STAT3: variants seen among roughly 807,000 people sequenced by gnomAD.
The protein encoded by STAT3 is DNA-binding protein APRF.
In STAT3, 7 loss-of-function variants were observed where a neutral mutation model predicts 114.3. The observed-to-expected ratio is 0.06, with a 90% CI of 0.03 to 0.11. STAT3 has a LOEUF of 0.11. Ranked by LOEUF, STAT3 falls within the 10% of genes least tolerant of loss-of-function variation. STAT3 has a pLI of 1.00. For synonymous variants in STAT3, 331 were observed against 354.5 expected (o/e 0.93, Z 0.74); for missense variants, 364 against 960.9 (o/e 0.38, Z 8.21).
chr17:42,319,124 G>A (rs1346778685), intron 21 of STAT3, among the ~76,000 whole-genome samples: 3 of 152,292 alleles, frequency 2.0e-5, no homozygotes, highest in Admixed American at 2.0e-4. Flanking sequence ...TGTAATCCCA[G>A]CTACTCAGGA....
intron 11 of STAT3, 80 bp from the exon 12 acceptor site, chr17:42,329,856 T>A: frequency 6.6e-7 from 1 of 1,519,952 alleles, no homozygotes; most frequent in Non-Finnish European, 9.1e-7. Flanking sequence ...TGTTATTTAC[T>A]GTCATGAAAA....
In STAT3 at chr17:42,314,541, C is replaced by T. The variant is rs1359602872; in HGVS notation, c.*1204G>A. ...TATCCCAGCCCTGATAAGGCACCCA[C>T]AGAAACAACCTAGCCTCTGAAACAG... On this transcript the variant is annotated 3_prime_UTR_variant, in exon 24 of 24. Coordinates refer to ENST00000264657, the MANE Select transcript of STAT3 (RefSeq NM_139276.3). 1 of 232,742 alleles carries T rather than the reference C, an allele frequency of 4.3e-6. No homozygotes were observed. Among genetic ancestry groups the T allele is most frequent in the African/African-American group, 2.2e-5 (1 of 45,236 alleles). 14.4% of individuals were successfully genotyped at this position (232,742 alleles called of 1,614,324 possible).
rs868757134 is a variant in STAT3, at chr17:42,332,733, G to A, written c.1049+940C>T. On this transcript the variant is annotated intron_variant, in intron 10 of 23. Transcript: ENST00000264657. The stretch of plus-strand genomic sequence containing the variant: ...TGGAGTGTGCCGGTCCAGCTACTCA[G>A]GGAGGCTAAGGCAGGAGAATCGCTT... Among the ~76,000 whole-genome samples, 3 of 151,916 alleles carry A rather than the reference G, an allele frequency of 2.0e-5. No homozygotes were observed. The South Asian group carries it at 6.2e-4, about 32-fold the overall frequency.
rs575290759 is a variant in STAT3 at position 42,382,791 on chromosome 17, C to T, written c.-24+5488G>A. On this transcript the variant is annotated intron_variant, in intron 1 of 23. Transcript: ENST00000264657. Reference sequence around the variant, plus strand: ...CCTCCTGAGTAGCTGGGACTACAGGCGTCTGCCACCACGCTGGGCTAATTT... The same window carrying T: ...CCTCCTGAGTAGCTGGGACTACAGGTGTCTGCCACCACGCTGGGCTAATTT... 3.3e-5 allele frequency among the ~76,000 whole-genome samples: 5 copies of T among 152,116 alleles called. No homozygotes were observed. The East Asian group carries it at 7.7e-4, about 24-fold the overall frequency.
chr17:42,366,463 G>T (rs886485037), intron 1 of STAT3, among the ~76,000 whole-genome samples: 2 of 152,110 alleles, frequency 1.3e-5, no homozygotes, highest in African/African-American at 4.8e-5. Context: ...TTGAGCTCAG[G>T]AGTTTGAGAC....
At chr17:42,345,230 A>G (rs979802850) in intron 4 of STAT3, among the ~76,000 whole-genome samples, 1 of 151,506 alleles carries the variant, frequency 6.6e-6, no homozygotes, top group African/African-American at 2.4e-5. Context: ...GCGCCATTGC[A>G]CTCTAGCCTG....
In STAT3 at chr17:42,314,226, C is replaced by T. The variant is rs965946715; in HGVS notation, c.*1519G>A. On this transcript the variant is annotated 3_prime_UTR_variant, in exon 24 of 24. Coordinates refer to ENST00000264657, the MANE Select transcript of STAT3 (RefSeq NM_139276.3). Reference sequence around the variant, plus strand: ...ACTCAAGTTTATCAGTAAGCCTTTGCCCTGCATGAACTGAATGAAGACGCC... The same window carrying T: ...ACTCAAGTTTATCAGTAAGCCTTTGTCCTGCATGAACTGAATGAAGACGCC... 14 of 232,712 alleles carry T rather than the reference C, an allele frequency of 6.0e-5. No individual in the cohort carries two copies. The highest frequency in any genetic ancestry group is 1.1e-4 in the African/African-American group (5 of 45,256). 14.4% of individuals were successfully genotyped at this position (232,712 alleles called of 1,614,324 possible).
At chr17:42,320,361 T>C (rs752483897) in intron 21 of STAT3, among the ~76,000 whole-genome samples, 1 of 152,184 alleles carries the variant, frequency 6.6e-6, no homozygotes. Context: ...TTTCTGTGTG[T>C]GTGCTATTTG....
chr17:42,341,398 G>T (rs1162699889), intron 4 of STAT3, among the ~76,000 whole-genome samples: 2 of 152,230 alleles, frequency 1.3e-5, no homozygotes, highest in East Asian at 3.8e-4. Flanking sequence ...CACTCAGCAT[G>T]GCCTGGGCTT....
intron 1 of STAT3, among the ~76,000 whole-genome samples, chr17:42,366,792 G>C (rs1233541568): frequency 6.6e-6 from 1 of 151,934 alleles, no homozygotes; most frequent in South Asian, 2.1e-4. Context: ...AACTGGCCTG[G>C]ATGCTTTCAT....
chr17:42,378,157 T>C (rs111648091), intron 1 of STAT3, among the ~76,000 whole-genome samples: 2,152 of 151,532 alleles, frequency 0.014, 16 homozygotes, highest in Middle Eastern at 0.035. Flanking sequence ...AGCCAGATTA[T>C]TCTTAATCAG....
At chr17:42,334,187 T>C in intron 8 of STAT3, 138 bp from the exon 9 acceptor site, 2 of 944,840 alleles carry the variant, frequency 2.1e-6, no homozygotes, top group East Asian at 2.6e-5. Context: ...GAAATATATA[T>C]AGCATGAAAT....
intron 1 of STAT3, among the ~76,000 whole-genome samples, chr17:42,355,319 C>G (rs1455818598): frequency 6.6e-6 from 1 of 152,144 alleles, no homozygotes; most frequent in African/African-American, 2.4e-5. Flanking sequence ...TCTCCCCAAG[C>G]CTGTGACTTA....
chr17:42,385,508 CA>C (rs11328125), intron 1 of STAT3, among the ~76,000 whole-genome samples: 64,723 of 108,352 alleles, frequency 0.6, 16,734 homozygotes, highest in Admixed American at 0.71. Context: ...AACTCCAACT[CA>C]AAAAAAAAAA....
At chr17:42,350,122 G>A (rs2082874262) in intron 1 of STAT3, among the ~76,000 whole-genome samples, 2 of 152,058 alleles carry the variant, frequency 1.3e-5, no homozygotes, top group African/African-American at 2.4e-5. Flanking sequence ...GGTATGTACA[G>A]ACCAAGGTCC....
At chr17:42,359,679 T>C (rs1431136246) in intron 1 of STAT3, among the ~76,000 whole-genome samples, 1 of 152,226 alleles carries the variant, frequency 6.6e-6, no homozygotes, top group African/African-American at 2.4e-5. Flanking sequence ...CTTGACATAC[T>C]TATTTGCTCA....
intron 4 of STAT3, 29 bp from the exon 5 acceptor site, chr17:42,339,438 G>C: frequency 6.2e-7 from 1 of 1,605,932 alleles, no homozygotes; most frequent in Non-Finnish European, 8.5e-7. Context: ...ATGCACATGT[G>C]AACACAGAAC....
rs1040173363 is a variant in STAT3 at position 42,385,630 on chromosome 17, T to C, written c.-24+2649A>G. ...GTCACCACCTCTACCCCACCTCATA[T>C]CTGAATGTCAAGAGACACGTAGAGG... On this transcript the variant is annotated intron_variant, in intron 1 of 23. Coordinates refer to ENST00000264657, the MANE Select transcript of STAT3 (RefSeq NM_139276.3). Among the ~76,000 whole-genome samples, 8 of 152,022 alleles carry C rather than the reference T, an allele frequency of 5.3e-5. 1 individual carries two copies. Among genetic ancestry groups the C allele is most frequent in the Admixed American group, 3.9e-4 (6 of 15,236 alleles).
chr17:42,348,360 A>G (rs1423246300), intron 2 of STAT3, 29 bp downstream of exon 2: 1 of 1,613,906 alleles, frequency 6.2e-7, no homozygotes, highest in East Asian at 2.2e-5. Flanking sequence ...AAACCTAACA[A>G]TTTGGAGAGT....
Sources: gnomAD v4.1 joint callset for allele counts (sites outside exome capture counted in the v4.1 genomes callset) on GRCh38, gnomAD v4.1.1 for gene constraint, MANE v1.5 for transcripts, NCBI Gene and HGNC (gene_info 2026-07-23, HGNC 2026-07-21) for gene names.